The following ARL8B variants were observed in gnomAD, a reference collection of about 807,000 sequenced individuals.
ARL8B encodes the protein ARF like GTPase 8B, also known as ADP-ribosylation factor-like protein 8B.
ARL8B carries 9 observed loss-of-function variants against 30.6 expected under a neutral mutation model. That is an observed-to-expected ratio of 0.29 (90% confidence interval 0.18 to 0.51). ARL8B has a LOEUF of 0.51. ARL8B is among the 20% of genes least tolerant of loss of function. The probability of loss-of-function intolerance (pLI) is 0.97; values close to 1 mark genes in which losing one functional copy is unlikely to be tolerated. For missense variants in ARL8B, 130 were observed against 227.2 expected (o/e 0.57, Z 2.75); for synonymous variants, 74 against 76.0 (o/e 0.97, Z 0.14).
intron 1 of ARL8B, among the ~76,000 whole-genome samples, chr3:5,123,150 C>G (rs1376018151): frequency 1.3e-5 from 2 of 152,172 alleles, no homozygotes; most frequent in African/African-American, 4.8e-5. Flanking sequence ...CACCCGTCCC[C>G]CAGGCGCGGA....
At chr3:5,154,563 T>C (rs2054515831) in intron 1 of ARL8B, among the ~76,000 whole-genome samples, 1 of 152,070 alleles carries the variant, frequency 6.6e-6, no homozygotes, top group Non-Finnish European at 1.5e-5. Flanking sequence ...TTCAAGATTT[T>C]TAAGTGTTCA....
Position 5,135,897 on chromosome 3 carries a change from C to T in ARL8B, c.123+13309C>T, listed in dbSNP as rs2054321375. 2.0e-5 allele frequency among the ~76,000 whole-genome samples: 3 copies of T among 150,810 alleles called. No homozygotes were observed. In the South Asian group the frequency reaches 6.3e-4, roughly 32 times the overall value. On this transcript the variant is annotated intron_variant, in intron 1 of 6. Transcript: ENST00000256496. ...CACCTCCCAGGTTCACGCGATTCTC[C>T]TGTCTCAGCCTCTCGAGTAGCTGGG...
At chr3:5,129,238 G>T (rs1045724691) in intron 1 of ARL8B, among the ~76,000 whole-genome samples, 2 of 152,038 alleles carry the variant, frequency 1.3e-5, no homozygotes, top group Non-Finnish European at 2.9e-5. Flanking sequence ...GCAGTGGTGT[G>T]ATCTTGGCAC....
chr3:5,170,669 A>G, intron 2 of ARL8B, 86 bp downstream of exon 2: 3 of 1,037,878 alleles, frequency 2.9e-6, no homozygotes, highest in Non-Finnish European at 4.2e-6. Flanking sequence ...TTTTTACTGA[A>G]AATTTGCAGT....
At chr3:5,164,124 A>T (rs867851867) in intron 1 of ARL8B, among the ~76,000 whole-genome samples, 1 of 152,144 alleles carries the variant, frequency 6.6e-6, no homozygotes, top group African/African-American at 2.4e-5. Flanking sequence ...TTTGAATTCC[A>T]TGAATACTGT....
At chr3:5,165,749 C>T (rs2106568482) in intron 1 of ARL8B, among the ~76,000 whole-genome samples, 1 of 152,234 alleles carries the variant, frequency 6.6e-6, no homozygotes, top group Non-Finnish European at 1.5e-5. Context: ...TGGACCGCTG[C>T]TATAGATGGA....
intron 1 of ARL8B, among the ~76,000 whole-genome samples, chr3:5,162,872 G>A (rs973021915): frequency 1.3e-5 from 2 of 151,992 alleles, no homozygotes; most frequent in African/African-American, 2.4e-5. Flanking sequence ...CCCAAATAGT[G>A]AGCACAGTAC....
At chr3:5,163,222 G>A (rs1274813329) in intron 1 of ARL8B, among the ~76,000 whole-genome samples, 1 of 151,938 alleles carries the variant, frequency 6.6e-6, no homozygotes, top group Admixed American at 6.6e-5. Flanking sequence ...CTTGACCTCA[G>A]GTGATCCGCC....
intron 1 of ARL8B, among the ~76,000 whole-genome samples, chr3:5,133,415 CAGTT>C (rs1310888178): frequency 6.6e-6 from 1 of 152,052 alleles, no homozygotes; most frequent in Non-Finnish European, 1.5e-5. Flanking sequence ...TTGAGGGAGA[CAGTT>C]GGGGAGGAGG....
In ARL8B at chr3:5,124,256, A is replaced by ATTTTT. The variant is rs35897178; in HGVS notation, c.123+1692_123+1696dup. On this transcript the variant is annotated intron_variant, in intron 1 of 6. Transcript: ENST00000256496. ...GTGGAATGTGTATCTAATACCACTA[A>ATTTTT]TTTTTTTTTTTTTTTTTTTTTTTTT... Among the ~76,000 whole-genome samples, 26 of 105,694 alleles carry ATTTTT rather than the reference A, an allele frequency of 2.5e-4. 1 individual carries two copies. Among genetic ancestry groups the ATTTTT allele is most frequent in the African/African-American group, 9.2e-4 (25 of 27,030 alleles). The allele number at this position is 105,694 out of a possible 152,430, so 69.3% of individuals were successfully genotyped here. A position where few individuals can be genotyped will look rare whatever the true frequency, so the allele number is the denominator to read the frequency against.
rs894521036 is a variant in ARL8B, at chr3:5,179,549, C to T, written c.*836C>T. On this transcript the variant is annotated 3_prime_UTR_variant, in exon 7 of 7. Transcript: ENST00000256496. ...GCGTTCATGAATTTAGAGCATTCCA[C>T]CCAATATAATAAAACCTGTTAAGAA... The T allele has an allele frequency of 7.9e-5, 12 of 152,556 alleles. No homozygotes were observed. Among genetic ancestry groups the T allele is most frequent in the Non-Finnish European group, 1.2e-4 (8 of 68,028 alleles). The allele number at this position is 152,556 out of a possible 1,614,324, so 9.5% of individuals were successfully genotyped here.
intron 1 of ARL8B, among the ~76,000 whole-genome samples, chr3:5,148,916 C>T (rs2054453942): frequency 6.6e-6 from 1 of 152,110 alleles, no homozygotes; most frequent in Admixed American, 6.6e-5. Flanking sequence ...TTGCTTTGTA[C>T]CCTAGGTTTA....
At chr3:5,127,610 T>C (rs565956948) in intron 1 of ARL8B, among the ~76,000 whole-genome samples, 1 of 152,228 alleles carries the variant, frequency 6.6e-6, no homozygotes, top group Admixed American at 6.5e-5. Context: ...AATAACTGGC[T>C]AACAGGCATT....
chr3:5,146,457 T>C (rs1237741352), intron 1 of ARL8B, among the ~76,000 whole-genome samples: 1 of 152,226 alleles, frequency 6.6e-6, no homozygotes, highest in Non-Finnish European at 1.5e-5. Flanking sequence ...CTATTACTGG[T>C]TGGAGCCTTT....
intron 1 of ARL8B, among the ~76,000 whole-genome samples, chr3:5,161,785 A>C (rs2054584931): frequency 6.6e-6 from 1 of 152,238 alleles, no homozygotes; most frequent in Non-Finnish European, 1.5e-5. Context: ...GTGTTGATTT[A>C]AGTTAGTCCT....
chr3:5,145,546 G>A (rs2054411861), intron 1 of ARL8B, among the ~76,000 whole-genome samples: 2 of 152,148 alleles, frequency 1.3e-5, no homozygotes, highest in South Asian at 2.1e-4. Flanking sequence ...CCAGGTTTGA[G>A]TGAGCACCGC....
chr3:5,167,113 C>G (rs1261251268), intron 1 of ARL8B, among the ~76,000 whole-genome samples: 3 of 152,240 alleles, frequency 2.0e-5, no homozygotes, highest in Admixed American at 1.3e-4. Context: ...GAATAATCTT[C>G]TTTTCACCAT....
chr3:5,179,638 G>GC lies in ARL8B; in HGVS notation c.*925_*926insC, dbSNP rs1246812384. 6.6e-6 allele frequency: 1 copy of GC among 152,648 alleles called. No homozygotes were observed. The highest frequency in any genetic ancestry group is 1.5e-5 in the Non-Finnish European group (1 of 68,030). 9.5% of individuals were successfully genotyped at this position (152,648 alleles called of 1,614,324 possible). ...AGTCATTAAATCAGTGCTGCTGCAT[G>GC]ACACTCTTAACTCCTGACTTTTTAT... On this transcript the variant is annotated 3_prime_UTR_variant, in exon 7 of 7. Transcript: ENST00000256496.
intron 1 of ARL8B, among the ~76,000 whole-genome samples, chr3:5,156,174 A>G (rs2054531538): frequency 6.6e-6 from 1 of 152,006 alleles, no homozygotes; most frequent in African/African-American, 2.4e-5. Context: ...AAGTGCTGGG[A>G]TTATAGGCGT....
Sources: allele counts gnomAD v4.1 joint callset (sites outside exome capture counted in the v4.1 genomes callset), GRCh38; gene constraint gnomAD v4.1.1; transcripts MANE v1.5; gene names NCBI Gene and HGNC (gene_info 2026-07-23, HGNC 2026-07-21).